Variants in RYR2 observed in about 807,000 individuals in gnomAD.
The protein encoded by RYR2 is cardiac muscle ryanodine receptor-calcium release channel.
Under a neutral mutation model 601.1 loss-of-function variants are expected in RYR2, and 227 were observed. The ratio of observed to expected loss-of-function variants is 0.38; its 90% confidence interval spans 0.34 to 0.42. The LOEUF is 0.42. RYR2 is among the 10% of genes least tolerant of loss of function. The pLI is 1.00. For missense variants in RYR2, 4,646 were observed against 6,156.5 expected, an observed-to-expected ratio of 0.75 and a Z score of 8.21; for synonymous variants, 2,223 against 2,175.1, an observed-to-expected ratio of 1.02 and a Z score of -0.61.
At chr1:237,239,554 CCTT>C (rs766049608) in intron 1 of RYR2, among the ~76,000 whole-genome samples, 16 of 152,162 alleles carry the variant, frequency 1.1e-4, no homozygotes, top group Admixed American at 1.3e-4. Flanking sequence ...CTCCTTGCCT[CCTT>C]CTTTACTGCA....
intron 29 of RYR2, among the ~76,000 whole-genome samples, chr1:237,582,369 C>T (rs931100981): frequency 6.6e-6 from 1 of 150,996 alleles, no homozygotes; most frequent in Admixed American, 6.6e-5. Context: ...CTTGGCCTCC[C>T]AAAATGTTGG....
chr1:237,650,286 G>A (rs1682596525), intron 50 of RYR2, among the ~76,000 whole-genome samples, 189 bp downstream of exon 50: 1 of 152,176 alleles, frequency 6.6e-6, no homozygotes, highest in African/African-American at 2.4e-5. Flanking sequence ...GTTCCAGAGT[G>A]TTCCTCCAAG....
intron 33 of RYR2, among the ~76,000 whole-genome samples, chr1:237,594,917 T>TTTTTTTTTTTTG (rs1559084377): frequency 1.2e-5 from 1 of 84,210 alleles, no homozygotes; most frequent in African/African-American, 3.6e-5. Flanking sequence ...TTTTTTTTTT[T>TTTTTTTTTTTTG]TTTTTTTTTT....
chr1:237,212,452 T>G (rs1036320809), intron 1 of RYR2, among the ~76,000 whole-genome samples: 3 of 152,118 alleles, frequency 2.0e-5, no homozygotes, highest in African/African-American at 7.2e-5. Context: ...TGTTGAATTC[T>G]TTTTTTAACA....
intron 1 of RYR2, among the ~76,000 whole-genome samples, chr1:237,061,174 C>G (rs1001845744): frequency 6.6e-6 from 1 of 151,996 alleles, no homozygotes; most frequent in Non-Finnish European, 1.5e-5. Flanking sequence ...TTGTGAAATA[C>G]CTATTCAGGC....
intron 10 of RYR2, among the ~76,000 whole-genome samples, chr1:237,395,533 C>CTTTTTTTTTTTTTTT (rs71180022): frequency 1.5e-4 from 13 of 87,430 alleles, no homozygotes; most frequent in African/African-American, 2.8e-4. Flanking sequence ...GTAGGACTGT[C>CTTTTTTTTTTTTTTT]TTTTTTTTTT....
intron 33 of RYR2, among the ~76,000 whole-genome samples, chr1:237,594,899 T>TGTTTTTGTTTTTTTTG (rs1675671451): frequency 2.6e-4 from 6 of 23,430 alleles, no homozygotes; most frequent in African/African-American, 3.8e-4. Flanking sequence ...TTTTTTTTTT[T>TGTTTTTGTTTTTTTTG]TTTTTTTTTT....
intron 56 of RYR2, among the ~76,000 whole-genome samples, chr1:237,665,030 A>C (rs1470879853): frequency 6.6e-6 from 1 of 152,214 alleles, no homozygotes; most frequent in Non-Finnish European, 1.5e-5. Context: ...TGTGTCAGGC[A>C]CTTTGCTAAG....
At chr1:237,283,138 G>A (rs982168177) in intron 2 of RYR2, among the ~76,000 whole-genome samples, 8 of 152,172 alleles carry the variant, frequency 5.3e-5, no homozygotes, top group African/African-American at 1.4e-4. Flanking sequence ...TTCACCTGAA[G>A]GAAGTCTCTT....
In RYR2 at chr1:237,622,200, C is replaced by T. The variant is rs375688167; in HGVS notation, c.5917-1565C>T. The stretch of plus-strand genomic sequence containing the variant: ...ATTATGGGAAAGCATCTTTCTCTTC[C>T]GAATTTATAAATTTAATAGTATTGT... On this transcript the variant is annotated intron_variant, in intron 38 of 104. Transcript: ENST00000366574. Among the ~76,000 whole-genome samples, 137 of 152,128 alleles carry T rather than the reference C, an allele frequency of 9.0e-4. 1 individual carries two copies. The highest frequency in any genetic ancestry group is 2.5e-3 in the African/African-American group (103 of 41,506).
At chr1:237,222,274 G>A (rs1448863503) in intron 1 of RYR2, among the ~76,000 whole-genome samples, 7 of 152,028 alleles carry the variant, frequency 4.6e-5, no homozygotes, top group African/African-American at 9.7e-5. Context: ...TTAGCTGGGC[G>A]TGGTGGCAGG....
In RYR2 at chr1:237,398,548, A is replaced by G. The variant is rs138977582; in HGVS notation, c.773+10365A>G. 8.2e-3 allele frequency among the ~76,000 whole-genome samples: 1,243 copies of G among 152,346 alleles called. 24 individuals carry two copies. Among genetic ancestry groups the G allele is most frequent in the African/African-American group, 0.028 (1,172 of 41,582 alleles). Reference sequence around the variant, plus strand: ...CATTATAGAAATGCAAATTAAGACCACAATGAGATAACACTGTATGCTTAT... The same window carrying G: ...CATTATAGAAATGCAAATTAAGACCGCAATGAGATAACACTGTATGCTTAT... On this transcript the variant is annotated intron_variant, in intron 10 of 104. Coordinates refer to ENST00000366574, the MANE Select transcript of RYR2 (RefSeq NM_001035.3).
chr1:237,235,586 G>A (rs1352572022), intron 1 of RYR2, among the ~76,000 whole-genome samples: 1 of 152,130 alleles, frequency 6.6e-6, no homozygotes, highest in Non-Finnish European at 1.5e-5. Context: ...ACTGCTTTTT[G>A]TCTGGTTTTC....
rs541149328 is a variant in RYR2, at chr1:237,674,228, A to T, written c.8714+9A>T. On this transcript the variant is annotated intron_variant, in intron 59 of 104. Transcript: ENST00000366574. ...GGATATGCTGTATCCAGGTAAAAGT[A>T]CACATACCCTAAGTACACACTCTTT... 2.5e-6 allele frequency: 4 copies of T among 1,602,584 alleles called. No individual in the cohort carries two copies. In the East Asian group the frequency reaches 8.9e-5, roughly 36 times the overall value.
At chr1:237,521,915 C>T (rs1197141281) in intron 24 of RYR2, among the ~76,000 whole-genome samples, 3 of 152,028 alleles carry the variant, frequency 2.0e-5, no homozygotes, top group Non-Finnish European at 4.4e-5. Context: ...GTGTTGCTTG[C>T]CTGTCCACAC....
intron 29 of RYR2, among the ~76,000 whole-genome samples, chr1:237,585,132 G>A (rs188613970): frequency 1.4e-4 from 21 of 152,212 alleles, no homozygotes; most frequent in South Asian, 6.2e-4. Flanking sequence ...GAGTTGAGTC[G>A]TTGCAACAGA....
intron 10 of RYR2, among the ~76,000 whole-genome samples, chr1:237,410,310 CA>C (rs1558771557): frequency 6.6e-6 from 1 of 151,780 alleles, no homozygotes; most frequent in South Asian, 2.1e-4. Flanking sequence ...CTCTTAAGGG[CA>C]AAAAAGATCT....
intron 1 of RYR2, among the ~76,000 whole-genome samples, chr1:237,262,998 C>A (rs1688692952): frequency 6.6e-6 from 1 of 151,786 alleles, no homozygotes; most frequent in Admixed American, 6.6e-5. Flanking sequence ...ACACAAAGAG[C>A]ATTGTTTTAC....
At chr1:237,451,986 GTT>G (rs199789265) in intron 14 of RYR2, among the ~76,000 whole-genome samples, 68,101 of 143,176 alleles carry the variant, frequency 0.48, 16,444 homozygotes, top group East Asian at 0.67. Flanking sequence ...GTGTATGTGT[GTT>G]TGTGTGTGTG....
Sources: allele counts gnomAD v4.1 joint callset (sites outside exome capture counted in the v4.1 genomes callset), GRCh38; gene constraint gnomAD v4.1.1; transcripts MANE v1.5; gene names NCBI Gene and HGNC (gene_info 2026-07-23, HGNC 2026-07-21).